MAGI1: variants seen among roughly 807,000 people sequenced by gnomAD.
MAGI1 encodes membrane associated guanylate kinase, WW and PDZ domain containing 1.
In MAGI1, 58 loss-of-function variants were observed where a neutral mutation model predicts 139.9. The ratio of observed to expected loss-of-function variants is 0.41; its 90% CI spans 0.34 to 0.52. The LOEUF is 0.52. Ranked by LOEUF, MAGI1 falls within the 20% of genes least tolerant of loss-of-function variation. MAGI1 has a pLI of 0.12. For missense variants in MAGI1, 1,874 were observed against 1,901.6 expected (o/e 0.99, Z 0.27); for synonymous variants, 812 against 737.9 (o/e 1.10, Z -1.63).
chr3:65,978,392 C>T (rs527338895), intron 1 of MAGI1, among the ~76,000 whole-genome samples: 28 of 152,246 alleles, frequency 1.8e-4, no homozygotes, highest in Middle Eastern at 3.4e-3. Context: ...CAGAGACCTG[C>T]TCTGTCTTGC....
At chr3:65,723,033 G>A (rs2033220107) in intron 1 of MAGI1, among the ~76,000 whole-genome samples, 2 of 152,098 alleles carry the variant, frequency 1.3e-5, no homozygotes, top group South Asian at 4.2e-4. Flanking sequence ...AAGGAGCAAT[G>A]ATATTAGGAC....
At chr3:65,936,911 GTT>G (rs749250709) in intron 1 of MAGI1, among the ~76,000 whole-genome samples, 1,671 of 141,446 alleles carry the variant, frequency 0.012, 20 homozygotes, top group Non-Finnish European at 0.019. Context: ...AGTTGTTGTT[GTT>G]GTTGTTGGTG....
At chr3:65,879,056 C>A (rs1204249151) in intron 1 of MAGI1, among the ~76,000 whole-genome samples, 1 of 152,108 alleles carries the variant, frequency 6.6e-6, no homozygotes, top group African/African-American at 2.4e-5. Flanking sequence ...TCCATACCAT[C>A]AATCCACGTT....
At chr3:65,527,280 G>A (rs1354337119) in intron 2 of MAGI1, among the ~76,000 whole-genome samples, 1 of 152,158 alleles carries the variant, frequency 6.6e-6, no homozygotes, top group East Asian at 1.9e-4. Flanking sequence ...ACATTGTTCA[G>A]AGTTAATTAT....
intron 2 of MAGI1, among the ~76,000 whole-genome samples, chr3:65,530,635 GTGTGT>G (rs778143221): frequency 1.9e-5 from 1 of 51,770 alleles, no homozygotes; most frequent in African/African-American, 5.8e-5. Context: ...GTGTGTGTGT[GTGTGT>G]GTGTGTGTGT....
intron 2 of MAGI1, among the ~76,000 whole-genome samples, chr3:65,531,993 T>C (rs1422171853): frequency 6.6e-6 from 1 of 152,250 alleles, no homozygotes; most frequent in East Asian, 1.9e-4. Context: ...CACTTCTCAC[T>C]CTCTCAGCTG....
chr3:65,781,743 A>G (rs1221540718), intron 1 of MAGI1, among the ~76,000 whole-genome samples: 2 of 152,250 alleles, frequency 1.3e-5, no homozygotes, highest in Non-Finnish European at 2.9e-5. Context: ...CATCTATAAT[A>G]ATAACAGCTA....
chr3:65,810,151 T>C (rs1331359148), intron 1 of MAGI1, among the ~76,000 whole-genome samples: 2 of 152,216 alleles, frequency 1.3e-5, no homozygotes, highest in Admixed American at 1.3e-4. Context: ...TACCTATAAT[T>C]TCACATATTA....
At chr3:65,880,027 G>A (rs771649639) in intron 1 of MAGI1, among the ~76,000 whole-genome samples, 7 of 152,126 alleles carry the variant, frequency 4.6e-5, no homozygotes, top group East Asian at 1.9e-4. Flanking sequence ...TTGGGAGGCC[G>A]AAGCAGGAGT....
intron 2 of MAGI1, among the ~76,000 whole-genome samples, chr3:65,494,711 C>T (rs1045288714): frequency 2.6e-5 from 4 of 152,146 alleles, no homozygotes; most frequent in Non-Finnish European, 4.4e-5. Context: ...ATTAAATAAC[C>T]GACTATATGT....
intron 1 of MAGI1, among the ~76,000 whole-genome samples, chr3:66,007,461 C>T (rs2067085767): frequency 6.6e-6 from 1 of 152,174 alleles, no homozygotes. Flanking sequence ...ACTCTAAACA[C>T]TTGGACACAG....
chr3:65,529,500 C>A (rs1391389250), intron 2 of MAGI1, among the ~76,000 whole-genome samples: 1 of 152,126 alleles, frequency 6.6e-6, no homozygotes, highest in South Asian at 2.1e-4. Context: ...TATAGTGAAA[C>A]GTTTTCAAGG....
At chr3:65,863,427 T>C (rs190463749) in intron 1 of MAGI1, among the ~76,000 whole-genome samples, 32 of 152,344 alleles carry the variant, frequency 2.1e-4, no homozygotes, top group East Asian at 5.8e-4. Context: ...CTTGGTATGT[T>C]GTATAGGGTA....
chr3:65,884,783 C>G (rs777460500), intron 1 of MAGI1, among the ~76,000 whole-genome samples: 6 of 152,062 alleles, frequency 3.9e-5, no homozygotes. Context: ...GTCTGCTGTT[C>G]AACGTTAGTT....
At chr3:65,863,825 T>TCC (rs34051513) in intron 1 of MAGI1, among the ~76,000 whole-genome samples, 1 of 152,238 alleles carries the variant, frequency 6.6e-6, no homozygotes, top group Middle Eastern at 3.4e-3. Flanking sequence ...ATCGACATAG[T>TCC]CCCCTCTTTT....
intron 12 of MAGI1, among the ~76,000 whole-genome samples, chr3:65,419,778 T>G (rs1380827400): frequency 6.6e-6 from 1 of 152,118 alleles, no homozygotes; most frequent in African/African-American, 2.4e-5. Context: ...ATACAGCCCA[T>G]GGGACACATA....
intron 1 of MAGI1, among the ~76,000 whole-genome samples, chr3:65,648,101 A>C (rs929044030): frequency 3.3e-5 from 5 of 152,234 alleles, no homozygotes; most frequent in Non-Finnish European, 5.9e-5. Context: ...CTAATAAGTG[A>C]ATGCAGAAAA....
chr3:65,374,855 C>A (rs1165656329), intron 18 of MAGI1, among the ~76,000 whole-genome samples: 1 of 152,122 alleles, frequency 6.6e-6, no homozygotes, highest in African/African-American at 2.4e-5. Flanking sequence ...CAAATAAGGA[C>A]AGGCCTAGTT....
intron 1 of MAGI1, among the ~76,000 whole-genome samples, chr3:66,018,015 C>T (rs2067745269): frequency 6.7e-6 from 1 of 150,178 alleles, no homozygotes; most frequent in Non-Finnish European, 1.5e-5. Context: ...ATTTATTTTT[C>T]CTCCTTTGAT....
Sources: allele counts gnomAD v4.1 joint callset (sites outside exome capture counted in the v4.1 genomes callset), GRCh38; gene constraint gnomAD v4.1.1; transcripts MANE v1.5; gene names NCBI Gene and HGNC (gene_info 2026-07-23, HGNC 2026-07-21).